MYO10: variants seen among roughly 807,000 people sequenced by gnomAD.
The protein encoded by MYO10 is unconventional myosin-X.
Under a neutral mutation model 257.3 loss-of-function variants are expected in MYO10, and 133 were observed. The ratio of observed to expected loss-of-function variants is 0.52; its 90% CI spans 0.45 to 0.60. The LOEUF is 0.60. Among genes scored for constraint, MYO10 ranks in the 20% least tolerant of loss-of-function variants. MYO10 has a pLI of 0.00. For synonymous variants in MYO10, 1,104 were observed against 1,028.6 expected (o/e 1.07, Z -1.40); for missense variants, 2,399 against 2,635.7 (o/e 0.91, Z 1.97).
At position 16,767,585 on chromosome 5, in the gene MYO10, A is replaced by G. The variant is rs529356304; in HGVS notation, c.1061-1387T>C. On this transcript the variant is annotated intron_variant, in intron 10 of 40. Transcript: ENST00000513610. ...AAAACAGTCTTTTAAATAAAAATAG[A>G]ACATTTATTTTAGTATGCAATGGGT... 5.9e-5 allele frequency among the ~76,000 whole-genome samples: 9 copies of G among 152,296 alleles called. No individual in the cohort carries two copies. The East Asian group carries it at 1.5e-3, about 26-fold the overall frequency.
chr5:16,807,480 T>C (rs1188696829), intron 3 of MYO10, among the ~76,000 whole-genome samples: 2 of 152,098 alleles, frequency 1.3e-5, no homozygotes, highest in Non-Finnish European at 2.9e-5. Context: ...CACCACCCTG[T>C]GACCAAGTGA....
intron 19 of MYO10, among the ~76,000 whole-genome samples, chr5:16,711,945 T>C (rs917664753): frequency 3.3e-5 from 5 of 152,158 alleles, no homozygotes; most frequent in African/African-American, 4.8e-5. Context: ...ATCACAAATA[T>C]CATAAATGTA....
intron 11 of MYO10, among the ~76,000 whole-genome samples, 190 bp from the exon 12 acceptor site, chr5:16,764,586 T>C (rs173658): frequency 0.31 from 47,174 of 152,196 alleles, 7,520 homozygotes; most frequent in Middle Eastern, 0.38. Flanking sequence ...CACATATTTC[T>C]CTTCTGTTAA....
At chr5:16,849,199 T>A (rs1012242749) in intron 2 of MYO10, among the ~76,000 whole-genome samples, 2 of 152,200 alleles carry the variant, frequency 1.3e-5, no homozygotes, top group Non-Finnish European at 2.9e-5. Flanking sequence ...AATCTGCACA[T>A]AACATACATT....
In MYO10 at chr5:16,668,412, G is replaced by A. The variant is rs762100445; in HGVS notation, c.5940C>T (p.Val1980=). The stretch of plus-strand genomic sequence containing the variant: ...TTCCCTCTCCACGCTTGTAGACGGA[G>A]ACGGCGTCCGCGCTGACACCCAACC... ...ELWLGVSADA[V]SVYKRGEGRP... is the part of the protein sequence containing the mutation. The change falls in exon 40 of 41, where the codon GTC becomes GTT. Residue 1980 remains valine (V), a synonymous_variant. Transcript: ENST00000513610. 2.5e-6 allele frequency: 4 copies of A among 1,613,906 alleles called. No individual in the cohort carries two copies. Among genetic ancestry groups the A allele is most frequent in the Non-Finnish European group, 3.4e-6 (4 of 1,179,856 alleles).
chr5:16,694,490 G>A lies in MYO10; in HGVS notation c.3681C>T (p.Ser1227=). 1 of 1,614,004 alleles carries A rather than the reference G, an allele frequency of 6.2e-7. No homozygotes were observed. Among genetic ancestry groups the A allele is most frequent in the Non-Finnish European group, 8.5e-7 (1 of 1,179,880 alleles). ...TCTTCCAATTTCTCCTGGACAGCGT[G>A]GAGGAGCCCCCCCCTTTTTTGTGGA... ...GWLHKKGGGS[S]TLSRRNWKKR... is the part of the protein sequence containing the mutation. The change falls in exon 27 of 41, where the codon TCC becomes TCT. Residue 1227 remains serine (S), a synonymous_variant. Coordinates refer to ENST00000513610, the MANE Select transcript of MYO10 (RefSeq NM_012334.3).
intron 8 of MYO10, among the ~76,000 whole-genome samples, chr5:16,780,178 G>C (rs1360155564): frequency 6.6e-6 from 1 of 152,034 alleles, no homozygotes; most frequent in Non-Finnish European, 1.5e-5. Context: ...TGGGATTACA[G>C]GTGTGTGCCA....
At chr5:16,902,138 C>T (rs990219171) in intron 1 of MYO10, among the ~76,000 whole-genome samples, 1 of 151,994 alleles carries the variant, frequency 6.6e-6, no homozygotes, top group Non-Finnish European at 1.5e-5. Flanking sequence ...CTCCACCTCT[C>T]AGATTCAAGT....
chr5:16,832,096 G>A (rs1490503049), intron 2 of MYO10, among the ~76,000 whole-genome samples: 2 of 152,064 alleles, frequency 1.3e-5, no homozygotes, highest in African/African-American at 4.8e-5. Flanking sequence ...ACAGGCGCAT[G>A]CCACCACGCC....
chr5:16,796,543 A>C (rs141766757), intron 3 of MYO10, among the ~76,000 whole-genome samples: 315 of 152,300 alleles, frequency 2.1e-3, no homozygotes, highest in African/African-American at 7.3e-3. Context: ...CCAAAGCTTA[A>C]TGCCTTAGGC....
At chr5:16,766,235 C>G in intron 10 of MYO10, 37 bp from the exon 11 acceptor site, 2 of 1,521,196 alleles carry the variant, frequency 1.3e-6, no homozygotes, top group South Asian at 2.3e-5. Flanking sequence ...GAACCCACCG[C>G]CCCCAAGAAG....
At chr5:16,771,309 G>T (rs1471793363) in intron 9 of MYO10, among the ~76,000 whole-genome samples, 3 of 151,862 alleles carry the variant, frequency 2.0e-5, no homozygotes, top group Non-Finnish European at 4.4e-5. Context: ...TAGTAGAAAA[G>T]AGACATTTAT....
intron 2 of MYO10, among the ~76,000 whole-genome samples, chr5:16,823,493 A>G (rs1159191159): frequency 1.2e-4 from 1 of 8,518 alleles, no homozygotes; most frequent in Non-Finnish European, 2.4e-4. Context: ...TTTTTGTGAG[A>G]CAGAGTCTCA....
intron 25 of MYO10, among the ~76,000 whole-genome samples, chr5:16,700,438 G>T (rs1487853628): frequency 6.6e-6 from 1 of 152,058 alleles, no homozygotes; most frequent in African/African-American, 2.4e-5. Flanking sequence ...GCACTTTGGG[G>T]GTCCGAGGCA....
chr5:16,717,784 C>A (rs1021809312), intron 19 of MYO10, among the ~76,000 whole-genome samples: 8 of 152,224 alleles, frequency 5.3e-5, no homozygotes, highest in African/African-American at 1.9e-4. Context: ...GGTGACAGCA[C>A]ACTGGCAGTC....
chr5:16,893,215 A>AAAAAAAAAAAAAAAAAAAC (rs1745117980), intron 1 of MYO10, among the ~76,000 whole-genome samples: 1 of 149,992 alleles, frequency 6.7e-6, no homozygotes, highest in Non-Finnish European at 1.5e-5. Flanking sequence ...AAAAAAAAAA[A>AAAAAAAAAAAAAAAAAAAC]GAACTTACAA....
intron 12 of MYO10, among the ~76,000 whole-genome samples, chr5:16,764,031 T>C (rs1181593910): frequency 6.6e-6 from 1 of 151,680 alleles, no homozygotes; most frequent in Non-Finnish European, 1.5e-5. Flanking sequence ...ACCTGTAATC[T>C]CAGCTTCTTG....
rs753349689 is a variant in MYO10, at chr5:16,701,037, C to T, written c.3358G>A (p.Asp1120Asn). 4.3e-5 allele frequency: 68 copies of T among 1,564,018 alleles called. No individual in the cohort carries two copies. The highest frequency in any genetic ancestry group is 1.1e-4 in the Admixed American group (6 of 52,212). ...SNSYGSQWSP[D>N]YRCSVGTYNS... ...TAGGTCCCCACAGAGCAGCGGTAGT[C>T]GGGGGACCACTGGCTGCCGTAGGAG... The change falls in exon 25 of 41, where the codon GAC becomes AAC. Residue 1120 changes from aspartate to asparagine, a missense_variant. Asp to Asn is a conservative substitution (Grantham distance 23). Transcript: ENST00000513610. This position sits in a 1 kb window ranked among gnomAD's most constrained non-coding sequence, Gnocchi z 8.1.
chr5:16,736,138 C>T (rs1417854267), intron 19 of MYO10, among the ~76,000 whole-genome samples: 1 of 152,200 alleles, frequency 6.6e-6, no homozygotes, highest in Admixed American at 6.5e-5. Context: ...ATATTCCCAA[C>T]CTGCCTTCTC....
Sources: gnomAD v4.1 joint callset for allele counts (sites outside exome capture counted in the v4.1 genomes callset) on GRCh38, gnomAD v4.1.1 for gene constraint, Gnocchi (gnomAD v3.1) non-coding constraint, MANE v1.5 for transcripts, NCBI Gene and HGNC (gene_info 2026-07-23, HGNC 2026-07-21) for gene names.